SIM1: variants seen among roughly 807,000 people sequenced by gnomAD.
SIM1 encodes SIM bHLH transcription factor 1, also known as single-minded homolog 1.
In SIM1, 18 loss-of-function variants were observed where a neutral mutation model predicts 78.2. That is an observed-to-expected ratio of 0.23 (90% CI 0.16 to 0.34). SIM1 has a LOEUF of 0.34. SIM1 is among the 10% of genes least tolerant of loss of function. The probability of loss-of-function intolerance (pLI) is 1.00; values close to 1 mark genes in which losing one functional copy is unlikely to be tolerated. For missense variants in SIM1, 939 were observed against 975.1 expected, an observed-to-expected ratio of 0.96 and a Z score of 0.49; for synonymous variants, 417 against 385.2, an observed-to-expected ratio of 1.08 and a Z score of -0.97.
At chr6:100,407,576 G>C (rs903297388) in intron 10 of SIM1, among the ~76,000 whole-genome samples, 1 of 151,878 alleles carries the variant, frequency 6.6e-6, no homozygotes, top group Non-Finnish European at 1.5e-5. Context: ...TAACTGCCTG[G>C]GTTTCCCTTT....
rs949630356 is a variant in SIM1 at position 100,447,413 on chromosome 6, G to A, written c.853C>T (p.Leu285=). ...FHLRCAHHLL[L]VKGQVTTKYY... ...TTGGTGGTCACCTGTCCCTTCACCA[G>A]CACTGACGGAGAGACAGGAGGCAGA... The change falls in exon 9 of 12, where the codon CTG becomes TTG. Residue 285 remains leucine, a splice_region_variant and synonymous_variant. Transcript: ENST00000369208. The A allele has an allele frequency of 2.8e-5, 46 of 1,614,188 alleles. No individual in the cohort carries two copies. The highest frequency in any genetic ancestry group is 3.7e-5 in the Non-Finnish European group (44 of 1,180,036).
chr6:100,431,540 A>G (rs1461386443), intron 9 of SIM1, among the ~76,000 whole-genome samples: 2 of 152,228 alleles, frequency 1.3e-5, no homozygotes, highest in Non-Finnish European at 2.9e-5. Flanking sequence ...ATTATTTTAA[A>G]TTGCCTGGTA....
chr6:100,433,258 C>T (rs969653335), intron 9 of SIM1, among the ~76,000 whole-genome samples: 1 of 152,202 alleles, frequency 6.6e-6, no homozygotes, highest in African/African-American at 2.4e-5. Flanking sequence ...GGCGATCTGG[C>T]CCTGCCTATT....
chr6:100,453,707 G>C (rs1772572845), intron 3 of SIM1, 55 bp downstream of exon 3: 1 of 1,297,558 alleles, frequency 7.7e-7, no homozygotes, highest in Non-Finnish European at 1.1e-6. Flanking sequence ...TCAACTCAGG[G>C]CCAGGCACTC....
chr6:100,453,885 A>G, intron 2 of SIM1, 41 bp from the exon 3 acceptor site: 2 of 1,510,756 alleles, frequency 1.3e-6, no homozygotes, highest in Non-Finnish European at 1.8e-6. Context: ...CTGAACCCGG[A>G]CCTGACAGGC....
intron 2 of SIM1, among the ~76,000 whole-genome samples, chr6:100,455,218 A>G (rs967292767): frequency 1.3e-5 from 2 of 152,144 alleles, no homozygotes; most frequent in African/African-American, 2.4e-5. Flanking sequence ...TTGTTTGCAC[A>G]TCTAAATAAA....
intron 10 of SIM1, among the ~76,000 whole-genome samples, chr6:100,417,581 TA>T (rs1016851927): frequency 6.6e-6 from 1 of 152,148 alleles, no homozygotes; most frequent in Non-Finnish European, 1.5e-5. Context: ...GAAGCTAATT[TA>T]AAAAAAATTT....
chr6:100,395,748 C>G (rs942491354), intron 10 of SIM1, among the ~76,000 whole-genome samples: 2 of 152,148 alleles, frequency 1.3e-5, no homozygotes, highest in Non-Finnish European at 2.9e-5. Context: ...AGTAAGAATC[C>G]TGGGTCTTCC....
chr6:100,390,811 T>G lies in SIM1; in HGVS notation c.1851A>C (p.Glu617Asp). The change falls in exon 12 of 12, where the codon GAA (glutamate) becomes GAC (aspartate). Residue 617 changes from glutamate (E) to aspartate (D), a missense_variant. Glu to Asp is a conservative substitution (Grantham distance 45). Transcript: ENST00000369208. The part of the protein sequence containing the change: ...ANYQQPPPTG[E>D]VCHGSALANT... Reference sequence around the variant, plus strand: ...TGGCAAGAGCAGAGCCATGGCAGACTTCACCTGTTGGTGGGGGCTGTTGGT... The same window carrying G: ...TGGCAAGAGCAGAGCCATGGCAGACGTCACCTGTTGGTGGGGGCTGTTGGT... 1.2e-6 allele frequency: 2 copies of G among 1,614,212 alleles called. No individual in the cohort carries two copies. The highest frequency in any genetic ancestry group is 1.7e-6 in the Non-Finnish European group (2 of 1,180,032).
At chr6:100,394,207 A>C (rs1171774160) in intron 10 of SIM1, among the ~76,000 whole-genome samples, 1 of 152,194 alleles carries the variant, frequency 6.6e-6, no homozygotes, top group East Asian at 1.9e-4. Flanking sequence ...TAGCTCCTGC[A>C]GTAAACCCTT....
intron 3 of SIM1, 55 bp from the exon 4 acceptor site, chr6:100,450,411 G>A (rs1393928084): frequency 6.8e-6 from 10 of 1,480,528 alleles, no homozygotes; most frequent in African/African-American, 1.4e-5. Context: ...CTGGAGAAAT[G>A]GGAGCAGGAG....
rs1203551003 is a variant in SIM1 at position 100,385,666 on chromosome 6, T to TG, written c.*4694_*4695insC. Reference sequence around the variant, plus strand: ...TCTTATGTGAACCATCATTTATTTATTTATGTGTGTGTGTGTGTGTGTGTG... The same window carrying TG: ...TCTTATGTGAACCATCATTTATTTATGTTATGTGTGTGTGTGTGTGTGTGTG... On this transcript the variant is annotated 3_prime_UTR_variant, in exon 12 of 12. Transcript: ENST00000369208. The TG allele has an allele frequency of 1.7e-5, 2 of 114,606 alleles. No individual in the cohort carries two copies. Among genetic ancestry groups the TG allele is most frequent in the African/African-American group, 3.2e-5 (1 of 30,900 alleles). The allele number at this position is 114,606 out of a possible 1,614,324, so 7.1% of individuals were successfully genotyped here.
rs768395305 is a variant in SIM1, at chr6:100,449,409, C to T, written c.497G>A (p.Cys166Tyr). The change falls in exon 6 of 12, where the codon TGC (cysteine) becomes TAC (tyrosine). Residue 166 changes from cysteine to tyrosine, a missense_variant. Physicochemically the swap from Cys to Tyr is radical, Grantham distance 194 (BLOSUM62 -2). Coordinates refer to ENST00000369208, the MANE Select transcript of SIM1 (RefSeq NM_005068.3). ...IERSFFLRMK[C>Y]VLAKRNAGLT... ...GCCGGCGTTACGCTTGGCCAAGACG[C>T]ACTTCATCCTCAGGAAGAAGGAGCG... 2 of 1,614,122 alleles carry T rather than the reference C, an allele frequency of 1.2e-6. No homozygotes were observed. Among genetic ancestry groups the T allele is most frequent in the Non-Finnish European group, 1.7e-6 (2 of 1,180,002 alleles).
chr6:100,392,098 CG>C (rs1770656564), intron 11 of SIM1, among the ~76,000 whole-genome samples: 1 of 152,072 alleles, frequency 6.6e-6, no homozygotes, highest in South Asian at 2.1e-4. Flanking sequence ...TGCTTGAACC[CG>C]GGAGGCAGAG....
At chr6:100,400,325 C>T (rs1337680679) in intron 10 of SIM1, among the ~76,000 whole-genome samples, 5 of 151,744 alleles carry the variant, frequency 3.3e-5, no homozygotes, top group African/African-American at 9.7e-5. Flanking sequence ...GATGTAGATG[C>T]CCAATCATCA....
chr6:100,389,823 A>G lies in SIM1; in HGVS notation c.*538T>C, dbSNP rs1770591365. The stretch of plus-strand genomic sequence containing the variant: ...GAACCAAATGAGCTGGCTGATTTGA[A>G]ACCACAAAGAAGTCAGTTTATAAGA... On this transcript the variant is annotated 3_prime_UTR_variant, in exon 12 of 12. Transcript: ENST00000369208. 2.5e-6 allele frequency: 1 copy of G among 398,430 alleles called. No individual in the cohort carries two copies. The highest frequency in any genetic ancestry group is 4.4e-5 in the Admixed American group (1 of 22,776). 24.7% of individuals were successfully genotyped at this position (398,430 alleles called of 1,614,324 possible). A position where few individuals can be genotyped will look rare whatever the true frequency, so the allele number is the denominator to read the frequency against.
chr6:100,412,227 G>A (rs148738184), intron 10 of SIM1, among the ~76,000 whole-genome samples: 11 of 152,144 alleles, frequency 7.2e-5, no homozygotes, highest in African/African-American at 2.6e-4. Flanking sequence ...AAGATCAAAT[G>A]GGTGAAAGCA....
intron 10 of SIM1, among the ~76,000 whole-genome samples, chr6:100,415,818 A>G (rs1771383833): frequency 6.6e-6 from 1 of 152,188 alleles, no homozygotes; most frequent in Admixed American, 6.5e-5. Flanking sequence ...CAGAAAGAGC[A>G]GACAGTAAAA....
At chr6:100,430,050 T>A (rs1454795162) in intron 9 of SIM1, among the ~76,000 whole-genome samples, 1 of 152,174 alleles carries the variant, frequency 6.6e-6, no homozygotes, top group Non-Finnish European at 1.5e-5. Context: ...CTTAGGAGAA[T>A]ATAATTTAAA....
Sources: gnomAD v4.1 joint callset for allele counts (sites outside exome capture counted in the v4.1 genomes callset) on GRCh38, gnomAD v4.1.1 for gene constraint, MANE v1.5 for transcripts, NCBI Gene and HGNC (gene_info 2026-07-23, HGNC 2026-07-21) for gene names.